The following GPM6A variants were observed in gnomAD, a reference collection of about 807,000 sequenced individuals.
The protein encoded by GPM6A is neuronal membrane glycoprotein M6-a.
In GPM6A, 7 loss-of-function variants were observed where a neutral mutation model predicts 32.1. That is an observed-to-expected ratio of 0.22 (90% CI 0.12 to 0.41). GPM6A has a LOEUF of 0.41. GPM6A is among the 10% of genes least tolerant of loss of function. GPM6A has a pLI of 1.00. For synonymous variants in GPM6A, 130 were observed against 123.4 expected, an observed-to-expected ratio of 1.05 and a Z score of -0.35; for missense variants, 235 against 347.2, an observed-to-expected ratio of 0.68 and a Z score of 2.57.
intron 1 of GPM6A, among the ~76,000 whole-genome samples, chr4:175,716,375 GC>G (rs1220977024): frequency 6.6e-6 from 1 of 152,134 alleles, no homozygotes; most frequent in African/African-American, 2.4e-5. Context: ...TAAAAAGTGA[GC>G]CTATTTTTCT....
At chr4:175,651,736 GA>G (rs913364698) in intron 4 of GPM6A, 97 bp downstream of exon 4, 11 of 883,740 alleles carry the variant, frequency 1.2e-5, no homozygotes, top group Middle Eastern at 2.6e-4. Context: ...AAAAGGTACT[GA>G]TAATTCCAAA....
At position 175,878,079 on chromosome 4, in the gene GPM6A, C is replaced by T. The variant is rs184681968; in HGVS notation, c.-22-65830G>A. The stretch of plus-strand genomic sequence containing the variant: ...CCTTTGACTCCATGTCTCCCATCCA[C>T]ATCACACTGGTGCAAGAGGTGGGCT... On this transcript the variant is annotated intron_variant, in intron 1 of 7. Transcript: ENST00000280187. Among the ~76,000 whole-genome samples, 421 of 152,350 alleles carry T rather than the reference C, an allele frequency of 2.8e-3. 17 individuals are homozygous for T. In the South Asian group the frequency reaches 0.074, roughly 27 times the overall value.
intron 1 of GPM6A, among the ~76,000 whole-genome samples, chr4:175,974,009 G>C (rs148360000): frequency 0.035 from 5,357 of 152,174 alleles, 201 homozygotes; most frequent in African/African-American, 0.1. Flanking sequence ...GAGGCAGGTA[G>C]ATCACCTGAG....
intron 1 of GPM6A, among the ~76,000 whole-genome samples, chr4:175,755,479 T>C (rs1488777829): frequency 6.6e-6 from 1 of 152,158 alleles, no homozygotes; most frequent in Non-Finnish European, 1.5e-5. Flanking sequence ...ATGCAATCAA[T>C]AATAATATTT....
At chr4:175,787,199 G>A in intron 1 of GPM6A, 1 of 647,308 alleles carries the variant, frequency 1.5e-6, no homozygotes, top group South Asian at 1.8e-5. Context: ...CATTGGATGT[G>A]ACATGCCAAT....
At chr4:175,685,640 C>G (rs1337866029) in intron 2 of GPM6A, among the ~76,000 whole-genome samples, 1 of 152,092 alleles carries the variant, frequency 6.6e-6, no homozygotes, top group Non-Finnish European at 1.5e-5. Context: ...AGTTTTATTT[C>G]TTGTTTGCCA....
chr4:175,910,238 C>G (rs58075513), intron 1 of GPM6A, among the ~76,000 whole-genome samples: 10,175 of 152,166 alleles, frequency 0.067, 1,098 homozygotes, highest in African/African-American at 0.23. Context: ...AAATGTGTTT[C>G]TACCATATGT....
At chr4:175,717,780 A>G (rs142530436) in intron 1 of GPM6A, among the ~76,000 whole-genome samples, 6 of 152,342 alleles carry the variant, frequency 3.9e-5, no homozygotes, top group Non-Finnish European at 8.8e-5. Flanking sequence ...TTCTTGGTTA[A>G]TATGATAAAG....
rs1284536096 is a variant in GPM6A at position 175,651,868 on chromosome 4, C to T, written c.507G>A (p.Glu169=). 1 of 1,613,372 alleles carries T rather than the reference C, an allele frequency of 6.2e-7. No homozygotes were observed. Among genetic ancestry groups the T allele is most frequent in the African/African-American group, 1.3e-5 (1 of 74,844 alleles). The change falls in exon 4 of 7, where the codon GAG becomes GAA. Residue 169 remains glutamate (E), a synonymous_variant. Coordinates refer to ENST00000393658, the MANE Select transcript of GPM6A (RefSeq NM_201591.3). ...WTICRNTTLV[E]GANLCLDLRQ... Reference sequence around the variant, plus strand: ...GAAGGTCCAAGCAGAGATTTGCTCCCTCCACTAATGTGGTGTTCCGGCAGA... The same window carrying T: ...GAAGGTCCAAGCAGAGATTTGCTCCTTCCACTAATGTGGTGTTCCGGCAGA...
chr4:175,828,045 T>A (rs1181478531), intron 1 of GPM6A, among the ~76,000 whole-genome samples: 1 of 152,216 alleles, frequency 6.6e-6, no homozygotes, highest in East Asian at 1.9e-4. Flanking sequence ...AATAATGTTA[T>A]CCTGAGTATT....
chr4:175,703,180 G>T (rs1220767594), intron 1 of GPM6A, among the ~76,000 whole-genome samples: 1 of 151,850 alleles, frequency 6.6e-6, no homozygotes, highest in African/African-American at 2.4e-5. Flanking sequence ...TTACTTTTGG[G>T]GGTGGGTGGA....
At chr4:175,724,494 G>A (rs552391119) in intron 1 of GPM6A, among the ~76,000 whole-genome samples, 31 of 152,246 alleles carry the variant, frequency 2.0e-4, no homozygotes, top group South Asian at 1.2e-3. Context: ...GCAGTAAGCC[G>A]AGACTGTGCC....
intron 1 of GPM6A, among the ~76,000 whole-genome samples, chr4:175,834,132 T>C (rs1210250331): frequency 7.1e-6 from 1 of 141,256 alleles, no homozygotes; most frequent in East Asian, 2.0e-4. Context: ...GAGAGAGATG[T>C]GTTACGATTT....
intron 1 of GPM6A, among the ~76,000 whole-genome samples, chr4:175,927,821 G>A (rs2111537980): frequency 6.6e-6 from 1 of 152,278 alleles, no homozygotes; most frequent in African/African-American, 2.4e-5. Flanking sequence ...CGAGGCGGAG[G>A]TTGCAATGAG....
intron 1 of GPM6A, among the ~76,000 whole-genome samples, chr4:175,712,206 G>T (rs756745301): frequency 1.3e-5 from 2 of 152,086 alleles, no homozygotes; most frequent in Non-Finnish European, 2.9e-5. Context: ...AATATAAAAC[G>T]GTTTCCTAGA....
At chr4:175,910,878 A>G (rs1396380669) in intron 1 of GPM6A, among the ~76,000 whole-genome samples, 5 of 152,180 alleles carry the variant, frequency 3.3e-5, no homozygotes, top group Admixed American at 6.5e-5. Context: ...AGCCATATGC[A>G]ATCCATAAAT....
chr4:175,849,261 G>T (rs1736179164), intron 1 of GPM6A, among the ~76,000 whole-genome samples: 1 of 152,148 alleles, frequency 6.6e-6, no homozygotes, highest in African/African-American at 2.4e-5. Context: ...CCTTTTAGTT[G>T]CATGGGGCCT....
intron 1 of GPM6A, among the ~76,000 whole-genome samples, chr4:175,727,001 A>G (rs1318173265): frequency 3.3e-5 from 5 of 152,202 alleles, no homozygotes; most frequent in South Asian, 2.1e-4. Context: ...GTCTCAATAC[A>G]TAAATAAATA....
At chr4:175,984,856 C>G (rs1208746451) in intron 1 of GPM6A, among the ~76,000 whole-genome samples, 2 of 152,082 alleles carry the variant, frequency 1.3e-5, no homozygotes, top group Non-Finnish European at 2.9e-5. Flanking sequence ...GTCCCATCAC[C>G]ATTTTTTGAG....
Sources: allele counts gnomAD v4.1 joint callset (sites outside exome capture counted in the v4.1 genomes callset), GRCh38; gene constraint gnomAD v4.1.1; transcripts MANE v1.5; gene names NCBI Gene and HGNC (gene_info 2026-07-23, HGNC 2026-07-21).